The following NDUFAF2 variants were observed in gnomAD, a reference collection of about 807,000 sequenced individuals.
NDUFAF2 encodes the protein NADH:ubiquinone oxidoreductase complex assembly factor 2.
A neutral mutation model predicts 22.8 loss-of-function variants in NDUFAF2; 13 were observed. The observed-to-expected ratio is 0.57, with a 90% CI of 0.37 to 0.91. The LOEUF (loss-of-function observed/expected upper bound fraction) is 0.91. Ranked by LOEUF, NDUFAF2 falls within the 40% of genes least tolerant of loss-of-function variation. The pLI is 0.01. For missense variants in NDUFAF2, 162 were observed against 195.2 expected (o/e 0.83, Z 1.01); for synonymous variants, 53 against 64.2 (o/e 0.83, Z 0.84).
At chr5:60,979,601 G>A (rs1451846981) in intron 1 of NDUFAF2, among the ~76,000 whole-genome samples, 1 of 152,086 alleles carries the variant, frequency 6.6e-6, no homozygotes, top group Non-Finnish European at 1.5e-5. Context: ...AGAGAAGACT[G>A]GGAAGAACTT....
intron 1 of NDUFAF2, among the ~76,000 whole-genome samples, chr5:60,997,072 T>C (rs146032610): frequency 6.6e-6 from 1 of 152,266 alleles, no homozygotes; most frequent in East Asian, 1.9e-4. Context: ...GTCTCACCTG[T>C]TTTTCTTCTA....
At chr5:61,108,898 C>T (rs1223663977) in intron 3 of NDUFAF2, among the ~76,000 whole-genome samples, 3 of 151,920 alleles carry the variant, frequency 2.0e-5, no homozygotes, top group Non-Finnish European at 4.4e-5. Flanking sequence ...ATTGTGATTC[C>T]CCCAGTTTTG....
intron 1 of NDUFAF2, among the ~76,000 whole-genome samples, chr5:61,038,107 A>AGG (rs1288713511): frequency 6.7e-6 from 1 of 148,566 alleles, no homozygotes; most frequent in Non-Finnish European, 1.5e-5. Flanking sequence ...AGAGAGAGAG[A>AGG]GAGAGAGAGG....
chr5:61,077,901 G>C (rs974078686), intron 2 of NDUFAF2, among the ~76,000 whole-genome samples: 2 of 152,138 alleles, frequency 1.3e-5, no homozygotes, highest in African/African-American at 4.8e-5. Flanking sequence ...ATTTAAGTAA[G>C]TTCCTAAGTA....
chr5:60,977,836 C>A (rs372398525), intron 1 of NDUFAF2, among the ~76,000 whole-genome samples: 76 of 116,478 alleles, frequency 6.5e-4, no homozygotes, highest in Admixed American at 9.8e-4. Context: ...GACTCTGTCT[C>A]AAAAAAAAAA....
intron 1 of NDUFAF2, among the ~76,000 whole-genome samples, chr5:60,946,959 A>C (rs1750468988): frequency 6.6e-6 from 1 of 152,182 alleles, no homozygotes; most frequent in South Asian, 2.1e-4. Flanking sequence ...ATGTGTCAGT[A>C]GTTGTTCCTT....
chr5:60,953,564 CG>C (rs1438145804), intron 1 of NDUFAF2, among the ~76,000 whole-genome samples: 1 of 151,968 alleles, frequency 6.6e-6, no homozygotes, highest in Non-Finnish European at 1.5e-5. Context: ...AGGTTCAAGG[CG>C]GATAAAGTTT....
At chr5:61,024,153 G>GT (rs939008969) in intron 1 of NDUFAF2, among the ~76,000 whole-genome samples, 5 of 151,688 alleles carry the variant, frequency 3.3e-5, no homozygotes, top group African/African-American at 7.2e-5. Context: ...AGAATTTTCT[G>GT]TTTTTTTTAA....
chr5:61,045,220 AGTTTT>A lies in NDUFAF2; in HGVS notation c.128-27904_128-27900del, dbSNP rs1461869535. 4.2e-4 allele frequency among the ~76,000 whole-genome samples: 49 copies of A among 116,844 alleles called. 8 individuals are homozygous for A. Among genetic ancestry groups the A allele is most frequent in the Middle Eastern group, 5.2e-3 (1 of 194 alleles). 76.7% of individuals were successfully genotyped at this position (116,844 alleles called of 152,430 possible). ...ATTAAATTTTAATAAAATAAAATAA[AGTTTT>A]ATTAAATTTTAATAAAATAAAATAA... On this transcript the variant is annotated intron_variant, in intron 1 of 3. Coordinates refer to ENST00000296597, the MANE Select transcript of NDUFAF2 (RefSeq NM_174889.5).
intron 1 of NDUFAF2, among the ~76,000 whole-genome samples, chr5:61,027,381 C>T (rs1751664481): frequency 6.7e-6 from 1 of 148,780 alleles, no homozygotes; most frequent in South Asian, 2.1e-4. Flanking sequence ...TGTGCTTATT[C>T]TTCTAGGAGT....
intron 1 of NDUFAF2, among the ~76,000 whole-genome samples, chr5:61,004,800 A>G (rs1751343908): frequency 6.6e-6 from 1 of 152,122 alleles, no homozygotes; most frequent in Non-Finnish European, 1.5e-5. Context: ...TGAATTACTC[A>G]TAGCATTGAC....
intron 1 of NDUFAF2, among the ~76,000 whole-genome samples, chr5:61,061,080 G>A (rs1282641654): frequency 1.3e-5 from 2 of 152,064 alleles, no homozygotes; most frequent in Non-Finnish European, 2.9e-5. Context: ...CAGGGTCACT[G>A]AAACCCTAGG....
intron 1 of NDUFAF2, among the ~76,000 whole-genome samples, chr5:61,013,188 C>T (rs965864213): frequency 2.6e-5 from 4 of 151,836 alleles, no homozygotes; most frequent in Admixed American, 2.6e-4. Context: ...TGGAGAGTAG[C>T]TTTTTTAAAA....
At chr5:61,147,748 A>G (rs895262192) in intron 3 of NDUFAF2, among the ~76,000 whole-genome samples, 1 of 152,060 alleles carries the variant, frequency 6.6e-6, no homozygotes, top group African/African-American at 2.4e-5. Flanking sequence ...TGAATTTTTT[A>G]TTTAATTTAA....
chr5:60,967,239 G>A (rs1171605594), intron 1 of NDUFAF2, among the ~76,000 whole-genome samples: 1 of 151,814 alleles, frequency 6.6e-6, no homozygotes, highest in Admixed American at 6.6e-5. Flanking sequence ...GTTTTTTAGT[G>A]GCATTTTTAG....
intron 2 of NDUFAF2, among the ~76,000 whole-genome samples, chr5:61,089,131 C>T (rs182141602): frequency 3.3e-5 from 5 of 152,204 alleles, no homozygotes; most frequent in Admixed American, 2.6e-4. Context: ...CTTTAATTTG[C>T]ATACTCACCT....
At chr5:61,084,576 C>G (rs1561560682) in intron 2 of NDUFAF2, among the ~76,000 whole-genome samples, 1 of 152,122 alleles carries the variant, frequency 6.6e-6, no homozygotes. Context: ...CAGTATTTGA[C>G]CTTTTTATGT....
At chr5:61,136,037 A>ATATATATATATATATATC (rs1561136700) in intron 3 of NDUFAF2, among the ~76,000 whole-genome samples, 1 of 94,684 alleles carries the variant, frequency 1.1e-5, no homozygotes, top group African/African-American at 3.9e-5. Context: ...ATATATATAT[A>ATATATATATATATATATC]TATATCTAGG....
chr5:61,024,338 T>C (rs1561544593), intron 1 of NDUFAF2, among the ~76,000 whole-genome samples: 1 of 152,094 alleles, frequency 6.6e-6, no homozygotes, highest in Non-Finnish European at 1.5e-5. Flanking sequence ...AAATATTCAG[T>C]AAATGTTTTC....
Sources: gnomAD v4.1 joint callset for allele counts (sites outside exome capture counted in the v4.1 genomes callset) on GRCh38, gnomAD v4.1.1 for gene constraint, MANE v1.5 for transcripts, NCBI Gene and HGNC (gene_info 2026-07-23, HGNC 2026-07-21) for gene names.